RYR1: variants seen among roughly 807,000 people sequenced by gnomAD.
The protein encoded by RYR1 is ryanodine receptor 1.
A neutral mutation model predicts 583.5 loss-of-function variants in RYR1; 342 were observed. That is an observed-to-expected ratio of 0.59 (90% CI 0.54 to 0.64). The LOEUF (loss-of-function observed/expected upper bound fraction) is 0.64, where lower values mean the gene tolerates loss of function less well. Among genes scored for constraint, RYR1 ranks in the 30% least tolerant of loss-of-function variants. The pLI is 0.00. For synonymous variants in RYR1, 2,791 were observed against 2,822.5 expected, an observed-to-expected ratio of 0.99 and a Z score of 0.35; for missense variants, 6,032 against 6,917.2, an observed-to-expected ratio of 0.87 and a Z score of 4.54.
chr19:38,507,568 G>T, intron 57 of RYR1, 144 bp from the exon 58 acceptor site: 1 of 708,604 alleles, frequency 1.4e-6, no homozygotes, highest in Non-Finnish European at 2.6e-6. Flanking sequence ...GGTGGGGCAT[G>T]GGGGACTCAG....
rs1969247792 is a variant in RYR1 at position 38,485,695 on chromosome 19, G to A, written c.5040G>A (p.Val1680=). The change falls in exon 34 of 106, where the codon GTG becomes GTA. Residue 1680 remains valine (V), a synonymous_variant. Coordinates refer to ENST00000359596, the MANE Select transcript of RYR1 (RefSeq NM_000540.3). ...TGTGCGCCCTGGGCAACAATCGCGT[G>A]GCGCACGCTCTGTGCAGCCACGTAG... The part of the protein sequence containing the change: ...RAVCALGNNR[V]AHALCSHVDQ... 3.7e-6 allele frequency: 6 copies of A among 1,611,344 alleles called. No individual in the cohort carries two copies. The highest frequency in any genetic ancestry group is 5.1e-6 in the Non-Finnish European group (6 of 1,179,794).
intron 84 of RYR1, among the ~76,000 whole-genome samples, chr19:38,541,074 G>A (rs115755496): frequency 0.034 from 5,175 of 152,306 alleles, 109 homozygotes; most frequent in Non-Finnish European, 0.042. Context: ...TCAGACAGAC[G>A]TTCATGAATC....
At position 38,485,986 on chromosome 19, in the gene RYR1, C is replaced by T. The variant is rs1969270439; in HGVS notation, c.5331C>T (p.Phe1777=). The change falls in exon 34 of 106, where the codon TTC becomes TTT. Residue 1777 remains phenylalanine, a synonymous_variant. Transcript: ENST00000359596. ...VTTSLRPPHH[F]SPPCFVAALP... The stretch of plus-strand genomic sequence containing the variant: ...CTTCGCTGAGGCCCCCGCATCATTT[C>T]TCGCCCCCCTGTTTCGTGGCCGCTC... The T allele has an allele frequency of 1.2e-6, 2 of 1,613,500 alleles. No individual in the cohort carries two copies. The highest frequency in any genetic ancestry group is 1.7e-6 in the Non-Finnish European group (2 of 1,179,950).
In RYR1 at chr19:38,565,690, C is replaced by T. The variant is rs1228185652; in HGVS notation, c.13356C>T (p.Gly4452=). 13 of 1,409,136 alleles carry T rather than the reference C, an allele frequency of 9.2e-6. No individual in the cohort carries two copies. In the South Asian group the frequency reaches 1.2e-4, roughly 13 times the overall value. 87.3% of individuals were successfully genotyped at this position (1,409,136 alleles called of 1,614,324 possible). A position where few individuals can be genotyped will look rare whatever the true frequency, so the allele number is the denominator to read the frequency against. The change falls in exon 91 of 106, where the codon GGC becomes GGT. Residue 4452 remains glycine, a synonymous_variant. Coordinates refer to ENST00000359596, the MANE Select transcript of RYR1 (RefSeq NM_000540.3). The surrounding 1 kb of genome is among the most constrained non-coding windows in gnomAD (Gnocchi z 4.7). ...DGGPFRPEGA[G]GLGDMGDTTP... is the part of the protein sequence containing the mutation. ...GCCCCTTCCGGCCCGAAGGGGCTGG[C>T]GGTCTCGGGGACATGGGGGACACGA...
intron 31 of RYR1, among the ~76,000 whole-genome samples, chr19:38,480,669 C>T (rs1389038487): frequency 6.6e-6 from 1 of 152,060 alleles, no homozygotes; most frequent in East Asian, 1.9e-4. Context: ...TGGTTGTCCC[C>T]AAAATGTCAT....
rs1419150411 is a variant in RYR1 at position 38,502,710 on chromosome 19, C to T, written c.7818C>T (p.Cys2606=). 3.9e-6 allele frequency: 6 copies of T among 1,551,160 alleles called. No homozygotes were observed. The highest frequency in any genetic ancestry group is 1.7e-5 in the Admixed American group (1 of 57,500). Residue 2606 remains cysteine, a synonymous_variant, in exon 48 of 106, where the codon TGC becomes TGT. Transcript: ENST00000359596. ...CGCAGCGTGACGTCATCGAGGACTGCCTCATGTCGCTCTGCAGGTGGAGCG... is the reference window on the plus strand; with the variant it reads ...CGCAGCGTGACGTCATCGAGGACTGTCTCATGTCGCTCTGCAGGTGGAGCG... The part of the protein sequence containing the change: ...TKAQRDVIED[C]LMSLCRYIRP...
chr19:38,525,659 G>A (rs920882376), intron 71 of RYR1, among the ~76,000 whole-genome samples, 157 bp downstream of exon 71: 1 of 151,934 alleles, frequency 6.6e-6, no homozygotes, highest in Non-Finnish European at 1.5e-5. Flanking sequence ...GGGATGCTGA[G>A]GACTCACTGT....
intron 58 of RYR1, among the ~76,000 whole-genome samples, chr19:38,508,545 A>G (rs369608637): frequency 1.3e-5 from 2 of 152,174 alleles, no homozygotes; most frequent in South Asian, 2.1e-4. Flanking sequence ...TGTTCCAGAA[A>G]GACTTTGATG....
In RYR1 at chr19:38,499,836, C is replaced by G. The variant is rs770475379; in HGVS notation, c.7214+15C>G. On this transcript the variant is annotated intron_variant, in intron 44 of 105. Coordinates refer to ENST00000359596, the MANE Select transcript of RYR1 (RefSeq NM_000540.3). This position sits in a 1 kb window ranked among gnomAD's most constrained non-coding sequence, Gnocchi z 7.3. ...CGGCGCGAGCAGTGAGTCTCCCGGC[C>G]CCCTCCTCAATAGGGCAACCCGCCC... The G allele has an allele frequency of 3.1e-6, 5 of 1,610,010 alleles. No individual in the cohort carries two copies. The highest frequency in any genetic ancestry group is 4.2e-6 in the Non-Finnish European group (5 of 1,179,566).
At chr19:38,453,663 G>C (rs1967212326) in intron 13 of RYR1, among the ~76,000 whole-genome samples, 1 of 151,872 alleles carries the variant, frequency 6.6e-6, no homozygotes, top group Non-Finnish European at 1.5e-5. Context: ...CAGGTAAGGG[G>C]TAGGGAGTGT....
intron 29 of RYR1, 27 bp downstream of exon 29, chr19:38,475,477 G>C: frequency 6.2e-7 from 1 of 1,612,240 alleles, no homozygotes; most frequent in Non-Finnish European, 8.5e-7. Context: ...CTCAATTTTG[G>C]GGTCCCCCCG....
chr19:38,572,432 T>C (rs1480248992), intron 95 of RYR1, among the ~76,000 whole-genome samples, 162 bp downstream of exon 95: 1 of 151,992 alleles, frequency 6.6e-6, no homozygotes, highest in Admixed American at 6.6e-5. Context: ...GATTGGGGTC[T>C]CCAGCAAGGA....
rs1298136301 is a variant in RYR1 at position 38,457,443 on chromosome 19, G to A, written c.1792-54G>A. 5 of 1,613,532 alleles carry A rather than the reference G, an allele frequency of 3.1e-6. No homozygotes were observed. The Admixed American group carries it at 5.0e-5, about 16-fold the overall frequency. ...CTTCCCTCCCTCCCAGGGTTCTTCTGTAGATCCTGCCCTGGTGCCTACACA... is the reference window on the plus strand; with the variant it reads ...CTTCCCTCCCTCCCAGGGTTCTTCTATAGATCCTGCCCTGGTGCCTACACA... On this transcript the variant is annotated intron_variant, in intron 16 of 105. Transcript: ENST00000359596.
chr19:38,531,390 T>C (rs1600946685), intron 76 of RYR1, among the ~76,000 whole-genome samples: 1 of 151,534 alleles, frequency 6.6e-6, no homozygotes, highest in Non-Finnish European at 1.5e-5. Context: ...ACCCACCCAA[T>C]TGGATGACTG....
intron 73 of RYR1, 97 bp from the exon 74 acceptor site, chr19:38,528,209 G>GA: frequency 9.9e-7 from 1 of 1,014,454 alleles, no homozygotes; most frequent in Non-Finnish European, 1.5e-6. Context: ...GTCTTAACCT[G>GA]AATATGGACT....
At chr19:38,447,829 G>A (rs1190067547) in intron 9 of RYR1, among the ~76,000 whole-genome samples, 3 of 132,948 alleles carry the variant, frequency 2.3e-5, no homozygotes, top group Non-Finnish European at 4.7e-5. Flanking sequence ...GCAACAGAGT[G>A]AGGCCCTGCC....
At chr19:38,436,349 A>T (rs1248676897) in intron 1 of RYR1, among the ~76,000 whole-genome samples, 2 of 152,124 alleles carry the variant, frequency 1.3e-5, no homozygotes, top group African/African-American at 4.8e-5. Flanking sequence ...CTGGGACTAC[A>T]CGTGCATAGC....
chr19:38,586,485 G>T (rs773331541), intron 104 of RYR1, 40 bp from the exon 105 acceptor site: 19 of 1,578,306 alleles, frequency 1.2e-5, no homozygotes, highest in Middle Eastern at 1.7e-4. Flanking sequence ...ATAAGGTAAG[G>T]GTGGTTCTGA....
chr19:38,492,724 G>C lies in RYR1; in HGVS notation c.6274+88G>C, dbSNP rs549968219. The C allele has an allele frequency of 1.5e-5, 21 of 1,387,792 alleles. No homozygotes were observed. In the East Asian group the frequency reaches 5.0e-4, roughly 33 times the overall value. The allele number at this position is 1,387,792 out of a possible 1,614,324, so 86.0% of individuals were successfully genotyped here. A position where few individuals can be genotyped will look rare whatever the true frequency, so the allele number is the denominator to read the frequency against. ...CCTCTGGGTCCCAAAGAGGGCATGA[G>C]GACAGATGCAAGGGAGGGGTAGATA... On this transcript the variant is annotated intron_variant, in intron 38 of 105. Coordinates refer to ENST00000359596, the MANE Select transcript of RYR1 (RefSeq NM_000540.3).
Sources: gnomAD v4.1 joint callset for allele counts (sites outside exome capture counted in the v4.1 genomes callset) on GRCh38, gnomAD v4.1.1 for gene constraint, Gnocchi (gnomAD v3.1) non-coding constraint, MANE v1.5 for transcripts, NCBI Gene and HGNC (gene_info 2026-07-23, HGNC 2026-07-21) for gene names.